Variants in FAT3 observed in about 807,000 individuals in gnomAD.
FAT3 encodes the protein protocadherin Fat 3.
A neutral mutation model predicts 310.2 loss-of-function variants in FAT3; 95 were observed. That is an observed-to-expected ratio of 0.31 (90% confidence interval 0.26 to 0.36). FAT3 has a LOEUF of 0.36. FAT3 is among the 10% of genes least tolerant of loss of function. FAT3 has a pLI of 1.00. For synonymous variants in FAT3, 2,314 were observed against 2,192.9 expected, an observed-to-expected ratio of 1.06 and a Z score of -1.54; for missense variants, 5,408 against 5,715.6, an observed-to-expected ratio of 0.95 and a Z score of 1.74.
intron 3 of FAT3, among the ~76,000 whole-genome samples, chr11:92,606,610 C>G (rs1236583631): frequency 1.3e-5 from 2 of 152,194 alleles, no homozygotes; most frequent in African/African-American, 4.8e-5. Flanking sequence ...CAGTGTCAGT[C>G]ATTCTGCTAA....
At chr11:92,349,631 A>T (rs1948509875) in intron 1 of FAT3, among the ~76,000 whole-genome samples, 1 of 152,192 alleles carries the variant, frequency 6.6e-6, no homozygotes, top group South Asian at 2.1e-4. Flanking sequence ...GAACTTACTG[A>T]GCAGGGTCAC....
At chr11:92,254,171 A>C (rs911955183) in intron 1 of FAT3, among the ~76,000 whole-genome samples, 1 of 152,140 alleles carries the variant, frequency 6.6e-6, no homozygotes, top group Admixed American at 6.6e-5. Context: ...TAGAAGACAG[A>C]GGCCACATAG....
At chr11:92,605,346 C>T (rs1166077524) in intron 3 of FAT3, among the ~76,000 whole-genome samples, 1 of 152,220 alleles carries the variant, frequency 6.6e-6, no homozygotes, top group African/African-American at 2.4e-5. Flanking sequence ...ATCCTTCTGT[C>T]ACTTCCAGGT....
chr11:92,820,172 A>C (rs2136232951), intron 13 of FAT3, among the ~76,000 whole-genome samples: 1 of 152,234 alleles, frequency 6.6e-6, no homozygotes, highest in South Asian at 2.1e-4. Flanking sequence ...AACAACAAAC[A>C]TTTACTTTCT....
chr11:92,527,671 G>A (rs115414306), intron 3 of FAT3, among the ~76,000 whole-genome samples: 224 of 152,166 alleles, frequency 1.5e-3, no homozygotes, highest in African/African-American at 5.3e-3. Flanking sequence ...GCTGCCTAGG[G>A]GGCAACCTTC....
intron 2 of FAT3, among the ~76,000 whole-genome samples, chr11:92,491,508 C>T (rs181718704): frequency 4.8e-4 from 73 of 151,942 alleles, no homozygotes; most frequent in African/African-American, 1.4e-3. Context: ...TTAAAATTCT[C>T]CAAGCAGACA....
At chr11:92,690,500 G>A (rs565895675) in intron 3 of FAT3, among the ~76,000 whole-genome samples, 2 of 152,256 alleles carry the variant, frequency 1.3e-5, no homozygotes, top group East Asian at 1.9e-4. Flanking sequence ...TACTTAAGAA[G>A]CATATCTCGT....
intron 3 of FAT3, among the ~76,000 whole-genome samples, chr11:92,530,402 A>T (rs1376646452): frequency 6.6e-6 from 1 of 152,138 alleles, no homozygotes; most frequent in African/African-American, 2.4e-5. Context: ...ACAAGACAGC[A>T]AACTTTATGA....
intron 2 of FAT3, among the ~76,000 whole-genome samples, chr11:92,504,616 T>C (rs1489470175): frequency 6.6e-6 from 1 of 152,172 alleles, no homozygotes; most frequent in South Asian, 2.1e-4. Flanking sequence ...TTCCTTGTTA[T>C]AATTTCTCTT....
At chr11:92,365,929 A>G (rs924811549) in intron 2 of FAT3, among the ~76,000 whole-genome samples, 4 of 152,242 alleles carry the variant, frequency 2.6e-5, no homozygotes, top group African/African-American at 7.2e-5. Flanking sequence ...TATATACACT[A>G]TACTTCTATA....
chr11:92,854,496 T>C (rs984424992), intron 19 of FAT3, among the ~76,000 whole-genome samples: 1 of 152,200 alleles, frequency 6.6e-6, no homozygotes, highest in African/African-American at 2.4e-5. Flanking sequence ...CAGTGGCCAT[T>C]CCAGACAGGC....
chr11:92,808,884 C>T (rs2136208910), intron 12 of FAT3, among the ~76,000 whole-genome samples: 1 of 152,078 alleles, frequency 6.6e-6, no homozygotes, highest in East Asian at 1.9e-4. Context: ...CGAGATCATG[C>T]CACTGCACTC....
Position 92,801,692 on chromosome 11 carries a change from G to C in FAT3, c.8679G>C (p.Val2893=). The C allele has an allele frequency of 6.2e-7, 1 of 1,613,920 alleles. No individual in the cohort carries two copies. Among genetic ancestry groups the C allele is most frequent in the Non-Finnish European group, 8.5e-7 (1 of 1,179,854 alleles). ...CAGACCCCACATTCACCTTCTCTGT[G>C]GTGGCCTCTGACCTTGGAGAGGCAT... ...HETDPTFTFS[V]VASDLGEAFS... The change falls in exon 10 of 28, where the codon GTG becomes GTC. Residue 2893 remains valine, a synonymous_variant. Coordinates refer to ENST00000525166, the MANE Select transcript of FAT3 (RefSeq NM_001367949.2).
chr11:92,269,752 G>A (rs893671067), intron 1 of FAT3, among the ~76,000 whole-genome samples: 8 of 152,014 alleles, frequency 5.3e-5, no homozygotes, highest in African/African-American at 1.9e-4. Flanking sequence ...ATTCGAAATG[G>A]GAGGAAATAA....
intron 1 of FAT3, among the ~76,000 whole-genome samples, chr11:92,323,756 A>T (rs1173956706): frequency 6.6e-6 from 1 of 152,154 alleles, no homozygotes; most frequent in African/African-American, 2.4e-5. Flanking sequence ...ATGGTAAATG[A>T]TCAGTGGCTT....
Position 92,485,258 on chromosome 11 carries a change from G to A in FAT3, c.3293-39376G>A, listed in dbSNP as rs986595477. ...GTCCAATACTTTCTCTCTGAAAATG[G>A]TGGCACAGTATAGGTGTTAAATAAA... On this transcript the variant is annotated intron_variant, in intron 2 of 27. Transcript: ENST00000525166. 1.6e-4 allele frequency among the ~76,000 whole-genome samples: 24 copies of A among 152,160 alleles called. 1 individual carries two copies. The highest frequency in any genetic ancestry group is 1.2e-3 in the Admixed American group (18 of 15,270).
At chr11:92,281,880 C>A (rs1946431273) in intron 1 of FAT3, among the ~76,000 whole-genome samples, 1 of 152,060 alleles carries the variant, frequency 6.6e-6, no homozygotes, top group African/African-American at 2.4e-5. Flanking sequence ...AATCTCCATC[C>A]CCACCATCTG....
At chr11:92,456,526 T>G (rs913102149) in intron 2 of FAT3, among the ~76,000 whole-genome samples, 1 of 152,150 alleles carries the variant, frequency 6.6e-6, no homozygotes, top group African/African-American at 2.4e-5. Flanking sequence ...AAGCAGTGAA[T>G]GGACATTGTA....
chr11:92,841,387 T>C (rs4753418), intron 18 of FAT3, among the ~76,000 whole-genome samples: 61,111 of 152,104 alleles, frequency 0.4, 12,408 homozygotes, highest in East Asian at 0.46. Context: ...CCACTGTTGC[T>C]TACAGAGGGC....
Sources: allele counts gnomAD v4.1 joint callset (sites outside exome capture counted in the v4.1 genomes callset), GRCh38; gene constraint gnomAD v4.1.1; transcripts MANE v1.5; gene names NCBI Gene and HGNC (gene_info 2026-07-23, HGNC 2026-07-21).